The following FMNL2 variants were observed in gnomAD, a reference collection of about 807,000 sequenced individuals.
FMNL2 encodes formin like 2.
Under a neutral mutation model 130.2 loss-of-function variants are expected in FMNL2, and 51 were observed. That is an observed-to-expected ratio of 0.39 (90% CI 0.31 to 0.49). The LOEUF is 0.49. FMNL2 is among the 20% of genes least tolerant of loss of function. The probability of loss-of-function intolerance (pLI) is 0.85; values close to 1 mark genes in which losing one functional copy is unlikely to be tolerated. For missense variants in FMNL2, 977 were observed against 1,316.2 expected, an observed-to-expected ratio of 0.74 and a Z score of 3.99; for synonymous variants, 465 against 467.1, an observed-to-expected ratio of 1.00 and a Z score of 0.06.
At chr2:152,379,393 G>A (rs1159388994) in intron 1 of FMNL2, among the ~76,000 whole-genome samples, 3 of 152,174 alleles carry the variant, frequency 2.0e-5, no homozygotes, top group African/African-American at 7.2e-5. Flanking sequence ...ACGGTGGTTT[G>A]TGGTGAATAA....
At chr2:152,592,116 G>A (rs1697476185) in intron 9 of FMNL2, among the ~76,000 whole-genome samples, 1 of 152,178 alleles carries the variant, frequency 6.6e-6, no homozygotes, top group African/African-American at 2.4e-5. Flanking sequence ...AAAAAGAAAA[G>A]ATAACTCATG....
At position 152,552,588 on chromosome 2, in the gene FMNL2, T is replaced by C. The variant is rs1694998059; in HGVS notation, c.359+3491T>C. On this transcript the variant is annotated intron_variant, in intron 4 of 25. Transcript: ENST00000288670. ...AAACTCTATAAATGGAACAATCTTC[T>C]GAGAAAGAAAATTAATTTTCTTTGA... Among the ~76,000 whole-genome samples the C allele has an allele frequency of 1.4e-5, 2 of 148,128 alleles. 1 individual carries two copies. Among genetic ancestry groups the C allele is most frequent in the South Asian group, 4.2e-4 (2 of 4,774 alleles).
chr2:152,524,647 G>T (rs979819726), intron 2 of FMNL2, among the ~76,000 whole-genome samples: 2 of 152,184 alleles, frequency 1.3e-5, no homozygotes, highest in African/African-American at 2.4e-5. Context: ...AAGCTACTTA[G>T]CTGTAAGAGC....
At chr2:152,439,816 G>T (rs1020126058) in intron 1 of FMNL2, among the ~76,000 whole-genome samples, 1 of 147,006 alleles carries the variant, frequency 6.8e-6, no homozygotes, top group African/African-American at 2.5e-5. Context: ...TGCCGTGTCT[G>T]TGGTTCTTGG....
intron 2 of FMNL2, among the ~76,000 whole-genome samples, chr2:152,523,562 A>G (rs1396763398): frequency 6.6e-6 from 1 of 152,216 alleles, no homozygotes; most frequent in East Asian, 1.9e-4. Context: ...GTGAACAAAG[A>G]TTATTCTTGC....
intron 17 of FMNL2, 127 bp from the exon 18 acceptor site, chr2:152,628,172 T>C: frequency 2.6e-6 from 2 of 778,076 alleles, no homozygotes; most frequent in East Asian, 2.6e-5. Context: ...CTTAGACTCG[T>C]TGATTTGGTG....
At chr2:152,496,833 C>G (rs1398370562) in intron 1 of FMNL2, among the ~76,000 whole-genome samples, 1 of 151,540 alleles carries the variant, frequency 6.6e-6, no homozygotes, top group African/African-American at 2.4e-5. Flanking sequence ...TTGTAATGTT[C>G]TTTTGACATG....
chr2:152,369,652 A>G (rs1683761828), intron 1 of FMNL2, among the ~76,000 whole-genome samples: 1 of 152,204 alleles, frequency 6.6e-6, no homozygotes, highest in Non-Finnish European at 1.5e-5. Flanking sequence ...GTGGCTGGAC[A>G]TGTACATAGT....
chr2:152,493,791 G>A (rs751178999), intron 1 of FMNL2, among the ~76,000 whole-genome samples: 2 of 152,186 alleles, frequency 1.3e-5, no homozygotes, highest in Non-Finnish European at 2.9e-5. Flanking sequence ...AGAGAACCAT[G>A]AGCCAAATAA....
chr2:152,546,654 AG>A (rs1340711597), intron 3 of FMNL2, among the ~76,000 whole-genome samples: 1 of 152,134 alleles, frequency 6.6e-6, no homozygotes, highest in Non-Finnish European at 1.5e-5. Flanking sequence ...AGAGCTTGGA[AG>A]GCTGAGTTAT....
chr2:152,614,765 A>T, intron 11 of FMNL2, 86 bp from the exon 12 acceptor site: 3 of 1,439,360 alleles, frequency 2.1e-6, no homozygotes, highest in Non-Finnish European at 2.8e-6. Flanking sequence ...AACAAAACAA[A>T]AAACAAAAAA....
intron 3 of FMNL2, among the ~76,000 whole-genome samples, chr2:152,544,608 G>T (rs1694515290): frequency 6.6e-6 from 1 of 152,140 alleles, no homozygotes; most frequent in South Asian, 2.1e-4. Flanking sequence ...GAGTCCTAAT[G>T]CTCACCCTGA....
intron 1 of FMNL2, chr2:152,390,188 G>A: frequency 7.6e-7 from 1 of 1,320,496 alleles, no homozygotes; most frequent in Non-Finnish European, 1.1e-6. Flanking sequence ...AGCTGGACCT[G>A]GTGGTCCCTT....
intron 1 of FMNL2, among the ~76,000 whole-genome samples, chr2:152,450,791 A>G (rs1688597305): frequency 6.6e-6 from 1 of 152,204 alleles, no homozygotes; most frequent in South Asian, 2.1e-4. Flanking sequence ...ACAAAAGCTC[A>G]TAGCCTCTTA....
At position 152,506,198 on chromosome 2, in the gene FMNL2, A is replaced by G. The variant is rs370979132; in HGVS notation, c.118-15745A>G. ...ATTTGTGCATTTATTTCTCAAATCA[A>G]TGTCCAACTGTTTTAATAATTTCTC... On this transcript the variant is annotated intron_variant, in intron 1 of 25. Coordinates refer to ENST00000288670, the MANE Select transcript of FMNL2 (RefSeq NM_052905.4). 4.6e-5 allele frequency among the ~76,000 whole-genome samples: 7 copies of G among 152,176 alleles called. No homozygotes were observed. The East Asian group carries it at 5.8e-4, about 13-fold the overall frequency.
chr2:152,388,642 A>G (rs1029379037), intron 1 of FMNL2, among the ~76,000 whole-genome samples: 1 of 152,210 alleles, frequency 6.6e-6, no homozygotes, highest in Non-Finnish European at 1.5e-5. Flanking sequence ...TTAGAAGCCT[A>G]TCTCTAATCA....
chr2:152,521,870 T>G, intron 1 of FMNL2, 73 bp from the exon 2 acceptor site: 4 of 1,151,778 alleles, frequency 3.5e-6, no homozygotes, highest in Non-Finnish European at 5.2e-6. Context: ...TTATTTGGTC[T>G]GCCTGCAAGT....
rs1409085655 is a variant in FMNL2 at position 152,475,625 on chromosome 2, G to A, written c.118-46318G>A. 7.2e-5 allele frequency among the ~76,000 whole-genome samples: 11 copies of A among 151,982 alleles called. No homozygotes were observed. In the East Asian group the frequency reaches 1.7e-3, roughly 24 times the overall value. ...TTCTCCTGTCTCAGCTTCCCGAGTCGCTGGGATTGCAGGTGCACACCACCA... is the reference window on the plus strand; with the variant it reads ...TTCTCCTGTCTCAGCTTCCCGAGTCACTGGGATTGCAGGTGCACACCACCA... On this transcript the variant is annotated intron_variant, in intron 1 of 25. Transcript: ENST00000288670.
At chr2:152,461,552 A>G (rs1480688364) in intron 1 of FMNL2, among the ~76,000 whole-genome samples, 3 of 152,318 alleles carry the variant, frequency 2.0e-5, no homozygotes, top group Non-Finnish European at 4.4e-5. Flanking sequence ...TGAGTCAAAC[A>G]TGTTTTAAAA....
Sources: gnomAD v4.1 joint callset for allele counts (sites outside exome capture counted in the v4.1 genomes callset) on GRCh38, gnomAD v4.1.1 for gene constraint, MANE v1.5 for transcripts, NCBI Gene and HGNC (gene_info 2026-07-23, HGNC 2026-07-21) for gene names.